The following SLCO4A1 variants were observed in gnomAD, a reference collection of about 807,000 sequenced individuals.
The protein encoded by SLCO4A1 is colon organic anion transporter.
SLCO4A1 carries 51 observed loss-of-function variants against 64.6 expected under a neutral mutation model. The ratio of observed to expected loss-of-function variants is 0.79; its 90% CI spans 0.63 to 1.00. The LOEUF (loss-of-function observed/expected upper bound fraction) is 1.00. Ranked by LOEUF, SLCO4A1 falls within the 50% of genes least tolerant of loss-of-function variation. The probability of loss-of-function intolerance (pLI) is 0.00; values close to 1 mark genes in which losing one functional copy is unlikely to be tolerated. For missense variants in SLCO4A1, 919 were observed against 980.5 expected (o/e 0.94, Z 0.84); for synonymous variants, 471 against 444.9 (o/e 1.06, Z -0.74).
chr20:62,690,715 A>G (rs1347347648), downstream of SLCO4A1, among the ~76,000 whole-genome samples: 1 of 152,202 alleles, frequency 6.6e-6, no homozygotes, highest in Non-Finnish European at 1.5e-5. Flanking sequence ...CAATTCAATA[A>G]ACGCGCTTTC....
chr20:62,676,667 C>T (rs1013425698), downstream of SLCO4A1, among the ~76,000 whole-genome samples: 7 of 152,178 alleles, frequency 4.6e-5, no homozygotes, highest in Non-Finnish European at 1.0e-4. Context: ...ACTTGGAATC[C>T]TCACACACTA....
downstream of SLCO4A1, among the ~76,000 whole-genome samples, chr20:62,686,972 C>T (rs186765681): frequency 2.4e-3 from 247 of 102,114 alleles, 1 homozygote; most frequent in African/African-American, 9.0e-3. Flanking sequence ...ACAATGGGAA[C>T]GGCACCCCCA....
intron 2 of SLCO4A1, among the ~76,000 whole-genome samples, chr20:62,682,293 G>A (rs1428252932): frequency 1.3e-5 from 2 of 152,236 alleles, no homozygotes; most frequent in Non-Finnish European, 2.9e-5. Context: ...CTGGGCTTGA[G>A]TCAGAGTTTG....
rs76616864 is a variant in SLCO4A1, at chr20:62,671,898, C to A, written c.*5C>A. 6.2e-7 allele frequency: 1 copy of A among 1,609,886 alleles called. No individual in the cohort carries two copies. Among genetic ancestry groups the A allele is most frequent in the Non-Finnish European group, 8.5e-7 (1 of 1,179,996 alleles). On this transcript the variant is annotated 3_prime_UTR_variant, in exon 12 of 12. Transcript: ENST00000217159. ...CAGCTCCAGAGCAGCGTCTGACCACCGCCCGCGCCCACCCGGCCACGGCGG... is the reference window on the plus strand; with the variant it reads ...CAGCTCCAGAGCAGCGTCTGACCACAGCCCGCGCCCACCCGGCCACGGCGG...
chr20:62,688,688 C>T (rs988577810), downstream of SLCO4A1, among the ~76,000 whole-genome samples: 1 of 152,194 alleles, frequency 6.6e-6, no homozygotes, highest in African/African-American at 2.4e-5. Flanking sequence ...CCCCCTGCCA[C>T]CCACTCCAGC....
Position 62,656,534 on chromosome 20 carries a change from C to T in SLCO4A1, c.80C>T (p.Thr27Ile), listed in dbSNP as rs1422312131. The T allele has an allele frequency of 2.5e-6, 4 of 1,577,328 alleles. No homozygotes were observed. The South Asian group carries it at 3.4e-5, about 14-fold the overall frequency. ...GCCATGGAAAACGGGCTTGACCACA[C>T]CCCACCCAGCAGGAGGGCATCCCCG... ...NSAMENGLDH[T>I]PPSRRASPGT... The change falls in exon 2 of 12, where the codon ACC becomes ATC. Residue 27 changes from threonine (T) to isoleucine (I), a missense_variant. Physicochemically the swap from Thr to Ile is moderately conservative, Grantham distance 89 (BLOSUM62 -1). Transcript: ENST00000217159.
At chr20:62,653,405 C>T (rs1982984704) in intron 1 of SLCO4A1, among the ~76,000 whole-genome samples, 1 of 152,188 alleles carries the variant, frequency 6.6e-6, no homozygotes, top group African/African-American at 2.4e-5. Context: ...CCATGCTGGG[C>T]CCGGTTTATC....
downstream of SLCO4A1, among the ~76,000 whole-genome samples, chr20:62,674,615 C>T (rs1044799991): frequency 7.9e-5 from 12 of 152,154 alleles, no homozygotes; most frequent in African/African-American, 2.9e-4. Flanking sequence ...CCTGTGTGTT[C>T]CCCGATGTCT....
At chr20:62,690,670 G>A (rs1326405368), downstream of SLCO4A1, among the ~76,000 whole-genome samples, 1 of 152,246 alleles carries the variant, frequency 6.6e-6, no homozygotes, top group East Asian at 1.9e-4. Context: ...CCAATTCGGG[G>A]CCTGACAGTT....
chr20:62,655,886 A>C (rs62199881), intron 1 of SLCO4A1, among the ~76,000 whole-genome samples: 140,278 of 152,044 alleles, frequency 0.92, 65,563 homozygotes, highest in East Asian at 1. Flanking sequence ...TCCAGGACCA[A>C]GGTGGAGTCC....
intron 1 of SLCO4A1, among the ~76,000 whole-genome samples, chr20:62,655,503 G>C (rs187115530): frequency 6.6e-6 from 1 of 152,244 alleles, no homozygotes; most frequent in Non-Finnish European, 1.5e-5. Context: ...GGGGGGAGCT[G>C]TTGCTCCAGG....
chr20:62,655,275 T>C (rs1280983973), intron 1 of SLCO4A1, among the ~76,000 whole-genome samples: 423 of 108,440 alleles, frequency 3.9e-3, no homozygotes, highest in African/African-American at 0.014. Context: ...AGGTGTTCTG[T>C]ATCACAGCAG....
At position 62,650,653 on chromosome 20, in the gene SLCO4A1, A is replaced by C. The variant is rs971879454; in HGVS notation, c.-96-5706A>C. ...CATGTGAGTGGCGCGGGTGGTCCTC[A>C]TGGGCCCCAGCAGCATTTGTCATTG... On this transcript the variant is annotated intron_variant, in intron 1 of 11. Coordinates refer to ENST00000217159, the MANE Select transcript of SLCO4A1 (RefSeq NM_016354.4). 3.9e-5 allele frequency: 6 copies of C among 152,306 alleles called. No homozygotes were observed. The East Asian group carries it at 1.2e-3, about 29-fold the overall frequency. The allele number at this position is 152,306 out of a possible 1,614,324, so 9.4% of individuals were successfully genotyped here. A position where few individuals can be genotyped will look rare whatever the true frequency, so the allele number is the denominator to read the frequency against.
chr20:62,668,140 C>T lies in SLCO4A1; in HGVS notation c.1767C>T (p.Phe589=), dbSNP rs1986707725. 1 of 1,613,910 alleles carries T rather than the reference C, an allele frequency of 6.2e-7. No individual in the cohort carries two copies. Among genetic ancestry groups the T allele is most frequent in the African/African-American group, 1.3e-5 (1 of 74,940 alleles). Residue 589 remains phenylalanine, a synonymous_variant, in exon 9 of 12, where the codon TTC becomes TTT. Transcript: ENST00000217159. ...LLLVFIFVVI[F]FTFLSSIPAL... is the part of the protein sequence containing the mutation. ...TGGTTTTCATATTCGTTGTAATTTTCTTTACATTCCTCAGCAGCATTCCTG... is the reference window on the plus strand; with the variant it reads ...TGGTTTTCATATTCGTTGTAATTTTTTTTACATTCCTCAGCAGCATTCCTG...
chr20:62,667,697 G>A, intron 7 of SLCO4A1, 48 bp from the exon 8 acceptor site: 1 of 1,560,274 alleles, frequency 6.4e-7, no homozygotes, highest in South Asian at 1.2e-5. Flanking sequence ...CTGGGCGCCA[G>A]CATGGCTCTG....
At chr20:62,654,319 C>T (rs1051336257) in intron 1 of SLCO4A1, among the ~76,000 whole-genome samples, 3 of 152,364 alleles carry the variant, frequency 2.0e-5, no homozygotes, top group South Asian at 2.1e-4. Context: ...TCTGCAAAGA[C>T]GCTTTTTCCA....
downstream of SLCO4A1, among the ~76,000 whole-genome samples, chr20:62,685,945 G>A (rs1004603789): frequency 1.2e-4 from 18 of 152,178 alleles, no homozygotes; most frequent in Admixed American, 9.1e-4. This position sits in a 1 kb window ranked among gnomAD's most constrained non-coding sequence, Gnocchi z 4.6. Flanking sequence ...GGCTGAGCAA[G>A]TCCTCCCTGG....
Position 62,672,200 on chromosome 20 carries a change from C to T in SLCO4A1, c.*307C>T, listed in dbSNP as rs1987321198. 7.7e-7 allele frequency: 1 copy of T among 1,300,174 alleles called. No individual in the cohort carries two copies. The highest frequency in any genetic ancestry group is 9.8e-7 in the Non-Finnish European group (1 of 1,017,442). 80.5% of individuals were successfully genotyped at this position (1,300,174 alleles called of 1,614,324 possible). A position where few individuals can be genotyped will look rare whatever the true frequency, so the allele number is the denominator to read the frequency against. On this transcript the variant is annotated 3_prime_UTR_variant, in exon 12 of 12. Coordinates refer to ENST00000217159, the MANE Select transcript of SLCO4A1 (RefSeq NM_016354.4). The stretch of plus-strand genomic sequence containing the variant: ...CAAACTCCGCAGGGGCTGTGAATCC[C>T]ACTGGGAGGGCGGTGGGCCTGCAGC...
At chr20:62,681,953 G>A (rs188430650) in intron 2 of SLCO4A1, among the ~76,000 whole-genome samples, 13 of 152,304 alleles carry the variant, frequency 8.5e-5, no homozygotes, top group Admixed American at 2.6e-4. Context: ...AAGGGAGGTT[G>A]ACCCAGAGGA....
Sources: gnomAD v4.1 joint callset for allele counts (sites outside exome capture counted in the v4.1 genomes callset) on GRCh38, gnomAD v4.1.1 for gene constraint, Gnocchi (gnomAD v3.1) non-coding constraint, MANE v1.5 for transcripts, NCBI Gene and HGNC (gene_info 2026-07-23, HGNC 2026-07-21) for gene names.